The following ITGBL1 variants were observed in gnomAD, a reference collection of about 807,000 sequenced individuals.
ITGBL1 encodes the protein integrin beta-like protein 1.
Under a neutral mutation model 68.5 loss-of-function variants are expected in ITGBL1, and 51 were observed. The ratio of observed to expected loss-of-function variants is 0.74; its 90% CI spans 0.59 to 0.94. The LOEUF is 0.94. Ranked by LOEUF, ITGBL1 falls within the 40% of genes least tolerant of loss-of-function variation. ITGBL1 has a pLI of 0.00. For synonymous variants in ITGBL1, 209 were observed against 227.3 expected (o/e 0.92, Z 0.72); for missense variants, 649 against 647.4 (o/e 1.00, Z -0.03).
chr13:101,554,217 A>G (rs1409226248), intron 2 of ITGBL1, among the ~76,000 whole-genome samples: 7 of 152,212 alleles, frequency 4.6e-5, no homozygotes, highest in Admixed American at 4.6e-4. Context: ...CTAAGTTTTC[A>G]ATATATGAAT....
chr13:101,622,508 G>A (rs755754151), intron 7 of ITGBL1, among the ~76,000 whole-genome samples: 8 of 152,010 alleles, frequency 5.3e-5, no homozygotes, highest in East Asian at 1.9e-4. Flanking sequence ...AAACCGGTGC[G>A]CACTTTTAGT....
chr13:101,553,528 T>C (rs903448425), intron 2 of ITGBL1, among the ~76,000 whole-genome samples: 1 of 152,204 alleles, frequency 6.6e-6, no homozygotes, highest in Non-Finnish European at 1.5e-5. Flanking sequence ...CAAGGGTTAC[T>C]ATAACAGAGT....
intron 2 of ITGBL1, among the ~76,000 whole-genome samples, chr13:101,482,018 A>G (rs938628073): frequency 3.3e-5 from 5 of 152,128 alleles, no homozygotes; most frequent in African/African-American, 4.8e-5. Flanking sequence ...TGTTCATGAA[A>G]TGACAGTCTG....
rs963452897 is a variant in ITGBL1 at position 101,627,196 on chromosome 13, AT to A, written c.1015+28906del. Among the ~76,000 whole-genome samples, 185 of 151,628 alleles carry A rather than the reference AT, an allele frequency of 1.2e-3. 1 individual carries two copies. The highest frequency in any genetic ancestry group is 3.9e-3 in the African/African-American group (162 of 41,324). The stretch of plus-strand genomic sequence containing the variant: ...AGTTATAAGATTCCTCTTTCATGTA[AT>A]TTTTTTTTATATTTCTTACAAGTTT... On this transcript the variant is annotated intron_variant, in intron 7 of 10. Coordinates refer to ENST00000376180, the MANE Select transcript of ITGBL1 (RefSeq NM_004791.3).
At chr13:101,471,510 ATGTGTGTGTGTG>A (rs10634284) in intron 2 of ITGBL1, among the ~76,000 whole-genome samples, 6 of 133,858 alleles carry the variant, frequency 4.5e-5, no homozygotes, top group African/African-American at 2.0e-4. Flanking sequence ...ACAAATATAT[ATGTGTGTGTGTG>A]TGTGTATGTA....
In ITGBL1 at chr13:101,708,062, C is replaced by CACAT. The variant is rs1555368064; in HGVS notation, c.1279+1163_1279+1164insTACA. Among the ~76,000 whole-genome samples the CACAT allele has an allele frequency of 2.2e-3, 333 of 148,088 alleles. 3 individuals are homozygous for CACAT. The highest frequency in any genetic ancestry group is 7.7e-3 in the East Asian group (38 of 4,926). On this transcript the variant is annotated intron_variant, in intron 9 of 10. Transcript: ENST00000376180. ...ACACACACACACACACACACACACA[C>CACAT]ACACACATACACACAAATTGGAAGA... is the stretch of plus-strand genomic sequence containing the variant.
intron 7 of ITGBL1, among the ~76,000 whole-genome samples, chr13:101,651,541 T>A (rs1329665917): frequency 6.6e-6 from 1 of 152,184 alleles, no homozygotes; most frequent in Non-Finnish European, 1.5e-5. Context: ...TATAAATTTG[T>A]TTAAGTTCCT....
intron 2 of ITGBL1, among the ~76,000 whole-genome samples, chr13:101,541,265 GGTT>G (rs1375578177): frequency 2.7e-5 from 4 of 147,546 alleles, no homozygotes; most frequent in Non-Finnish European, 5.9e-5. Context: ...TAGCATGAAG[GGTT>G]GTTGAATTTT....
chr13:101,654,568 C>G (rs2032860807), intron 7 of ITGBL1, among the ~76,000 whole-genome samples: 1 of 152,068 alleles, frequency 6.6e-6, no homozygotes, highest in Non-Finnish European at 1.5e-5. Context: ...AAGAGTCATG[C>G]CATTAACAGA....
intron 4 of ITGBL1, among the ~76,000 whole-genome samples, chr13:101,577,132 C>A (rs983259077): frequency 3.3e-5 from 5 of 152,162 alleles, no homozygotes; most frequent in Admixed American, 6.5e-5. Flanking sequence ...GAGGCTTAAG[C>A]AATTTCATGG....
chr13:101,573,966 C>T (rs1475703358), intron 3 of ITGBL1, among the ~76,000 whole-genome samples: 1 of 152,100 alleles, frequency 6.6e-6, no homozygotes, highest in Non-Finnish European at 1.5e-5. Flanking sequence ...TGTGTCTAGC[C>T]ACTGTCTTCT....
chr13:101,708,026 A>AACACACACACAC (rs3062945), intron 9 of ITGBL1, among the ~76,000 whole-genome samples: 4 of 144,338 alleles, frequency 2.8e-5, no homozygotes, highest in African/African-American at 5.2e-5. Flanking sequence ...CACACATGCA[A>AACACACACACAC]ACACACACAC....
intron 2 of ITGBL1, among the ~76,000 whole-genome samples, chr13:101,502,895 A>T (rs561562690): frequency 6.6e-6 from 1 of 152,148 alleles, no homozygotes; most frequent in Non-Finnish European, 1.5e-5. Flanking sequence ...ATGAGGCAAG[A>T]TGTATTGGAT....
chr13:101,720,238 AG>A (rs1446098677), downstream of ITGBL1: 1 of 152,108 alleles, frequency 6.6e-6, no homozygotes, highest in Non-Finnish European at 1.5e-5. Context: ...CCCATGCTAC[AG>A]GTGAGACCAG....
chr13:101,692,250 T>C (rs1277513168), intron 7 of ITGBL1, among the ~76,000 whole-genome samples: 1 of 152,208 alleles, frequency 6.6e-6, no homozygotes, highest in Non-Finnish European at 1.5e-5. Flanking sequence ...TATTATGTTA[T>C]GTTCAAGGAA....
At chr13:101,543,762 A>C (rs2049759884) in intron 2 of ITGBL1, among the ~76,000 whole-genome samples, 2 of 151,894 alleles carry the variant, frequency 1.3e-5, no homozygotes, top group South Asian at 4.2e-4. Context: ...CATTTCTTTT[A>C]ATTCTTTTTT....
chr13:101,485,058 A>G (rs1566696129), intron 2 of ITGBL1, among the ~76,000 whole-genome samples: 1 of 152,248 alleles, frequency 6.6e-6, no homozygotes, highest in Non-Finnish European at 1.5e-5. Context: ...CAAAGACAGT[A>G]GAACAACATC....
intron 8 of ITGBL1, among the ~76,000 whole-genome samples, chr13:101,704,592 G>A (rs770247700): frequency 8.6e-5 from 13 of 151,736 alleles, no homozygotes; most frequent in Non-Finnish European, 1.5e-4. Flanking sequence ...CTTGCAAGGA[G>A]AGAAAGTGCC....
chr13:101,558,277 A>T (rs1261357148), intron 2 of ITGBL1, among the ~76,000 whole-genome samples: 1 of 152,050 alleles, frequency 6.6e-6, no homozygotes, highest in Non-Finnish European at 1.5e-5. Context: ...GTACACAGGG[A>T]CATAAAGATA....
Sources: allele counts gnomAD v4.1 joint callset (sites outside exome capture counted in the v4.1 genomes callset), GRCh38; gene constraint gnomAD v4.1.1; transcripts MANE v1.5; gene names NCBI Gene and HGNC (gene_info 2026-07-23, HGNC 2026-07-21).